The following DHRSX variants were observed in gnomAD, a reference collection of about 807,000 sequenced individuals.
DHRSX encodes the protein dehydrogenase/reductase X-linked.
Under a neutral mutation model 34.0 loss-of-function variants are expected in DHRSX, and 31 were observed. The observed-to-expected ratio is 0.91, with a 90% CI of 0.69 to 1.23. DHRSX has a LOEUF of 1.23. DHRSX is among the 50% of genes most tolerant of loss of function. The pLI, the probability that DHRSX is intolerant of heterozygous loss-of-function variation, is 0.00. For missense variants in DHRSX, 414 were observed against 428.1 expected (o/e 0.97, Z 0.29); for synonymous variants, 201 against 183.8 (o/e 1.09, Z -0.76).
At chrX:2,325,129 G>C (rs972049327) in intron 3 of DHRSX, among the ~76,000 whole-genome samples, 1 of 152,074 alleles carries the variant, frequency 6.6e-6, no homozygotes, top group Non-Finnish European at 1.5e-5. Context: ...TGAACAGCCT[G>C]TCAAGTCGAG....
At chrX:2,458,198 G>A (rs1283723059) in intron 1 of DHRSX, among the ~76,000 whole-genome samples, 2 of 152,008 alleles carry the variant, frequency 1.3e-5, no homozygotes, top group African/African-American at 4.8e-5. Context: ...TGTACACACT[G>A]CAGACGTTCC....
At chrX:2,301,066 GC>G (rs1736832069) in intron 3 of DHRSX, among the ~76,000 whole-genome samples, 1 of 152,202 alleles carries the variant, frequency 6.6e-6, no homozygotes, top group South Asian at 2.1e-4. Context: ...TCTGCAGAAT[GC>G]AGCCAAAATA....
intron 3 of DHRSX, among the ~76,000 whole-genome samples, chrX:2,322,841 T>A (rs1345686532): frequency 6.6e-6 from 1 of 152,106 alleles, no homozygotes; most frequent in Non-Finnish European, 1.5e-5. Flanking sequence ...TCAAAAGTTA[T>A]CTTTGGATTT....
chrX:2,345,783 C>T (rs1345231323), intron 3 of DHRSX, among the ~76,000 whole-genome samples: 1 of 152,094 alleles, frequency 6.6e-6, no homozygotes, highest in African/African-American at 2.4e-5. Context: ...TTACCTGAGC[C>T]AGAAGGGATT....
At chrX:2,438,501 T>C (rs944147315) in intron 1 of DHRSX, among the ~76,000 whole-genome samples, 4 of 151,908 alleles carry the variant, frequency 2.6e-5, no homozygotes, top group African/African-American at 4.8e-5. Flanking sequence ...TGAAACCCCA[T>C]CTCTACTAAA....
chrX:2,488,109 G>C (rs7057630), intron 1 of DHRSX: 1 of 152,536 alleles, frequency 6.6e-6, no homozygotes, highest in Non-Finnish European at 1.5e-5. Flanking sequence ...AGCGTTGGCA[G>C]TTCCCAAGCA....
At chrX:2,448,025 T>G (rs967209169) in intron 1 of DHRSX, among the ~76,000 whole-genome samples, 11 of 149,542 alleles carry the variant, frequency 7.4e-5, no homozygotes, top group Non-Finnish European at 1.3e-4. Flanking sequence ...TGAAACCCCA[T>G]CTCTAAAAAA....
intron 1 of DHRSX, among the ~76,000 whole-genome samples, chrX:2,460,446 C>T (rs756022549): frequency 2.6e-5 from 4 of 152,170 alleles, no homozygotes; most frequent in Non-Finnish European, 5.9e-5. Context: ...GAGACAGTCG[C>T]CCAGGCTATT....
intron 1 of DHRSX, among the ~76,000 whole-genome samples, chrX:2,438,217 G>C (rs1039975419): frequency 3.0e-4 from 44 of 149,112 alleles, no homozygotes; most frequent in African/African-American, 1.1e-3. Context: ...TTCATTTTAG[G>C]AACAGAATGA....
At chrX:2,230,261 G>A (rs1457312180) in intron 6 of DHRSX, among the ~76,000 whole-genome samples, 5 of 152,298 alleles carry the variant, frequency 3.3e-5, no homozygotes, top group Admixed American at 6.5e-5. Context: ...GTGCACACAC[G>A]TGCTCTCAAC....
intron 4 of DHRSX, among the ~76,000 whole-genome samples, chrX:2,268,630 T>C (rs918638825): frequency 2.4e-4 from 37 of 152,388 alleles, no homozygotes; most frequent in African/African-American, 8.7e-4. Flanking sequence ...TTTACATATG[T>C]GTTGTATGCA....
intron 3 of DHRSX, among the ~76,000 whole-genome samples, chrX:2,377,345 A>C (rs901582872): frequency 6.6e-6 from 1 of 151,804 alleles, no homozygotes; most frequent in African/African-American, 2.4e-5. Context: ...AGATGGTCCC[A>C]TCCGGGGGGT....
intron 3 of DHRSX, among the ~76,000 whole-genome samples, chrX:2,360,551 C>T (rs778880093): frequency 6.6e-6 from 1 of 152,158 alleles, no homozygotes; most frequent in African/African-American, 2.4e-5. Flanking sequence ...CCACTGCACT[C>T]CAGCCTGGGC....
At chrX:2,290,153 C>A (rs868247851) in intron 4 of DHRSX, among the ~76,000 whole-genome samples, 9 of 152,260 alleles carry the variant, frequency 5.9e-5, no homozygotes, top group Non-Finnish European at 1.0e-4. Flanking sequence ...TTTTATATCC[C>A]ATGCTTCTCC....
intron 5 of DHRSX, among the ~76,000 whole-genome samples, chrX:2,261,977 T>C (rs1018612313): frequency 8.6e-5 from 13 of 151,944 alleles, no homozygotes; most frequent in Admixed American, 3.3e-4. Context: ...GCTCAGTGAG[T>C]CGTGTCTGCA....
chrX:2,464,462 C>T (rs1274942339), intron 1 of DHRSX, among the ~76,000 whole-genome samples: 4 of 87,712 alleles, frequency 4.6e-5, no homozygotes, highest in African/African-American at 2.1e-4. Flanking sequence ...CCGCCATGTT[C>T]GCACTGAAGA....
At chrX:2,456,186 C>T (rs1397004037) in intron 1 of DHRSX, among the ~76,000 whole-genome samples, 4 of 152,098 alleles carry the variant, frequency 2.6e-5, no homozygotes, top group Non-Finnish European at 4.4e-5. Context: ...GGACAATGTG[C>T]GGGACGCCAA....
intron 2 of DHRSX, among the ~76,000 whole-genome samples, chrX:2,423,101 C>G (rs1346636364): frequency 6.6e-6 from 1 of 151,484 alleles, no homozygotes; most frequent in East Asian, 2.0e-4. Flanking sequence ...CCACGCCCAG[C>G]CGCCAAAATA....
Position 2,298,619 on chromosome X carries a change from CA to C in DHRSX, c.287-7017del, listed in dbSNP as rs2041970140. 2.0e-5 allele frequency among the ~76,000 whole-genome samples: 3 copies of C among 150,960 alleles called. No homozygotes were observed. The East Asian group carries it at 5.8e-4, about 29-fold the overall frequency. The stretch of plus-strand genomic sequence containing the variant: ...GCGTGTGTACACACACACACACACA[CA>C]CACACACACACACACACGAGGTCTT... On this transcript the variant is annotated intron_variant, in intron 3 of 6. Transcript: ENST00000334651.
Sources: gnomAD v4.1 joint callset for allele counts (sites outside exome capture counted in the v4.1 genomes callset) on GRCh38, gnomAD v4.1.1 for gene constraint, MANE v1.5 for transcripts, NCBI Gene and HGNC (gene_info 2026-07-23, HGNC 2026-07-21) for gene names.